Variants in ESRRB observed in about 807,000 individuals in gnomAD.
ESRRB encodes the protein estrogen related receptor beta, also known as steroid hormone receptor ERR2.
ESRRB carries 16 observed loss-of-function variants against 46.0 expected under a neutral mutation model. That is an observed-to-expected ratio of 0.35 (90% CI 0.24 to 0.53). ESRRB has a LOEUF of 0.53. Among genes scored for constraint, ESRRB ranks in the 20% least tolerant of loss-of-function variants. The pLI is 0.93. For missense variants in ESRRB, 488 were observed against 607.4 expected (o/e 0.80, Z 2.07); for synonymous variants, 246 against 259.6 (o/e 0.95, Z 0.50).
chr14:76,449,528 T>C (rs545909078), intron 2 of ESRRB, among the ~76,000 whole-genome samples: 120 of 151,732 alleles, frequency 7.9e-4, no homozygotes, highest in African/African-American at 2.3e-3. Context: ...CCAGCCTGGG[T>C]GACGGAGCAA....
chr14:76,373,627 G>A (rs1298532122), upstream of ESRRB, among the ~76,000 whole-genome samples: 3 of 152,238 alleles, frequency 2.0e-5, no homozygotes, highest in East Asian at 5.8e-4. Flanking sequence ...CCACTAGGGT[G>A]TCCCGGCGGC....
intron 1 of ESRRB, among the ~76,000 whole-genome samples, chr14:76,421,653 G>A (rs1468651791): frequency 6.6e-6 from 1 of 152,160 alleles, no homozygotes; most frequent in African/African-American, 2.4e-5. Flanking sequence ...CATGCCCAAG[G>A]CCACTCCACA....
rs1299033673 is a variant in ESRRB at position 76,364,352 on chromosome 14, G to T, written c.2+53436G>T. On this transcript the variant is annotated intron_variant, in intron 1 of 6. Transcript: ENST00000512784. The stretch of plus-strand genomic sequence containing the variant: ...GCTTCTGGACACTTTCAGGGGTTTG[G>T]TGATGGTTACTACTGATCTGTTTGG... Among the ~76,000 whole-genome samples, 4 of 152,116 alleles carry T rather than the reference G, an allele frequency of 2.6e-5. No homozygotes were observed. The East Asian group carries it at 5.8e-4, about 22-fold the overall frequency.
intron 1 of ESRRB, among the ~76,000 whole-genome samples, chr14:76,434,532 C>T (rs986538611): frequency 1.3e-5 from 2 of 151,698 alleles, no homozygotes; most frequent in African/African-American, 2.4e-5. Flanking sequence ...TGGAGTCACG[C>T]GCCTGTAATC....
intron 2 of ESRRB, among the ~76,000 whole-genome samples, chr14:76,447,073 G>A (rs554202839): frequency 6.6e-5 from 10 of 152,084 alleles, no homozygotes; most frequent in South Asian, 2.1e-4. Flanking sequence ...AGCTGCTTCC[G>A]TTCACTGATT....
intron 1 of ESRRB, among the ~76,000 whole-genome samples, chr14:76,364,409 C>A (rs529071478): frequency 6.6e-6 from 1 of 152,068 alleles, no homozygotes; most frequent in African/African-American, 2.4e-5. Context: ...TCCTAAGGGG[C>A]CAGGCGCAGT....
intron 1 of ESRRB, among the ~76,000 whole-genome samples, chr14:76,320,370 C>A (rs1180462193): frequency 6.6e-6 from 1 of 152,162 alleles, no homozygotes; most frequent in Non-Finnish European, 1.5e-5. Flanking sequence ...TCTCTTTTGG[C>A]CTCTGTTTCT....
chr14:76,486,078 G>C (rs1464198323), intron 5 of ESRRB, among the ~76,000 whole-genome samples: 1 of 152,224 alleles, frequency 6.6e-6, no homozygotes, highest in African/African-American at 2.4e-5. Flanking sequence ...TTTTTACCTT[G>C]AGTTGAATGT....
chr14:76,408,321 GTA>G (rs995366457), intron 1 of ESRRB, among the ~76,000 whole-genome samples: 7 of 152,156 alleles, frequency 4.6e-5, no homozygotes. Context: ...GCTCACGCCT[GTA>G]ATCCCAACAT....
At chr14:76,451,700 C>G (rs1445297339) in intron 2 of ESRRB, among the ~76,000 whole-genome samples, 2 of 151,726 alleles carry the variant, frequency 1.3e-5, no homozygotes, top group Non-Finnish European at 2.9e-5. Flanking sequence ...AATCTCGGTT[C>G]ACTGCAGATT....
intron 1 of ESRRB, among the ~76,000 whole-genome samples, chr14:76,388,919 C>A (rs1021903743): frequency 1.2e-4 from 18 of 152,164 alleles, no homozygotes; most frequent in Non-Finnish European, 5.9e-5. Flanking sequence ...AGTCTCAGTG[C>A]CCTACCTTGG....
chr14:76,441,171 G>A (rs544293116), intron 2 of ESRRB, among the ~76,000 whole-genome samples: 1 of 152,288 alleles, frequency 6.6e-6, no homozygotes, highest in African/African-American at 2.4e-5. Context: ...TACCATCTCA[G>A]CTTCTCAAGT....
chr14:76,417,068 C>T (rs544288732), intron 1 of ESRRB, among the ~76,000 whole-genome samples: 2 of 152,130 alleles, frequency 1.3e-5, no homozygotes, highest in Non-Finnish European at 1.5e-5. Context: ...ACCCAGAAGG[C>T]GGAGGCTGCA....
intron 2 of ESRRB, among the ~76,000 whole-genome samples, chr14:76,447,446 A>G (rs1888200720): frequency 6.6e-6 from 1 of 151,868 alleles, no homozygotes; most frequent in Non-Finnish European, 1.5e-5. Context: ...TCTCATATCC[A>G]TGGCTTCAGT....
chr14:76,471,483 A>G lies in ESRRB; in HGVS notation c.577+8822A>G, dbSNP rs1197477203. On this transcript the variant is annotated intron_variant, in intron 3 of 6. Coordinates refer to ENST00000644823, the MANE Select transcript of ESRRB (RefSeq NM_001379180.1). Reference sequence around the variant, plus strand: ...CTCCCTACCTCTTCAGTATCATCTCATACCATTCCTTTCCTGTCTGTTCAC... The same window carrying G: ...CTCCCTACCTCTTCAGTATCATCTCGTACCATTCCTTTCCTGTCTGTTCAC... Among the ~76,000 whole-genome samples, 3 of 152,174 alleles carry G rather than the reference A, an allele frequency of 2.0e-5. No homozygotes were observed. In the East Asian group the frequency reaches 5.8e-4, roughly 29 times the overall value.
rs11846902 is a variant in ESRRB, at chr14:76,462,282, A to G, written c.461-263A>G. Among the ~76,000 whole-genome samples, 56,111 of 152,062 alleles carry G rather than the reference A, an allele frequency of 0.37. 11,635 individuals carry two copies. Among genetic ancestry groups the G allele is most frequent in the African/African-American group, 0.57 (23,649 of 41,462 alleles). On this transcript the variant is annotated intron_variant, in intron 2 of 6. Coordinates refer to ENST00000644823, the MANE Select transcript of ESRRB (RefSeq NM_001379180.1). ...AGTGAGTTTTGATGTCCCTGCCCAG[A>G]AGTGGCTTCAACACTGTGGGTGGCC...
chr14:76,331,414 G>C (rs571402765), intron 1 of ESRRB, among the ~76,000 whole-genome samples: 1 of 152,278 alleles, frequency 6.6e-6, no homozygotes, highest in African/African-American at 2.4e-5. Flanking sequence ...AACTAACACG[G>C]GTGGCATGCA....
chr14:76,320,049 G>T (rs969812398), intron 1 of ESRRB, among the ~76,000 whole-genome samples: 3 of 152,134 alleles, frequency 2.0e-5, no homozygotes, highest in Non-Finnish European at 4.4e-5. Context: ...GTACTCAACT[G>T]CCAAGCATGC....
At chr14:76,409,340 G>C (rs187518997) in intron 1 of ESRRB, among the ~76,000 whole-genome samples, 189 of 152,248 alleles carry the variant, frequency 1.2e-3, no homozygotes, top group Non-Finnish European at 2.0e-3. Flanking sequence ...GAGTTGGAGG[G>C]TGGGTTAAGT....
Sources: allele counts gnomAD v4.1 joint callset (sites outside exome capture counted in the v4.1 genomes callset), GRCh38; gene constraint gnomAD v4.1.1; transcripts MANE v1.5; gene names NCBI Gene and HGNC (gene_info 2026-07-23, HGNC 2026-07-21).